MRPL13: variants seen among roughly 807,000 people sequenced by gnomAD.
The protein encoded by MRPL13 is large ribosomal subunit protein uL13m.
Under a neutral mutation model 29.0 loss-of-function variants are expected in MRPL13, and 33 were observed. The observed-to-expected ratio is 1.14, with a 90% CI of 0.86 to 1.52. The LOEUF is 1.52. Ranked by LOEUF, MRPL13 falls within the 40% of genes most tolerant of loss-of-function variation. MRPL13 has a pLI of 0.00. For missense variants in MRPL13, 227 were observed against 216.7 expected, an observed-to-expected ratio of 1.05 and a Z score of -0.30; for synonymous variants, 77 against 68.4, an observed-to-expected ratio of 1.13 and a Z score of -0.62.
chr8:120,434,837 T>G (rs1165365668), intron 2 of MRPL13, among the ~76,000 whole-genome samples: 3 of 152,280 alleles, frequency 2.0e-5, no homozygotes, highest in Admixed American at 6.5e-5. Flanking sequence ...GGTGCAAAAC[T>G]ATTTGCAGTT....
In MRPL13 at chr8:120,431,937, A is replaced by T. The variant is rs1361536065; in HGVS notation, c.245+93T>A. The T allele has an allele frequency of 5.4e-6, 5 of 931,710 alleles. No individual in the cohort carries two copies. In the East Asian group the frequency reaches 9.2e-5, roughly 17 times the overall value. 57.7% of individuals were successfully genotyped at this position (931,710 alleles called of 1,614,324 possible). ...AAATTAGTAATAAATGCTGATTTTT[A>T]AAAATATCTTTTTTCTTTTAAGTAA... On this transcript the variant is annotated intron_variant, in intron 3 of 6. Transcript: ENST00000306185.
At chr8:120,438,053 T>C (rs1813075288) in intron 2 of MRPL13, among the ~76,000 whole-genome samples, 1 of 152,186 alleles carries the variant, frequency 6.6e-6, no homozygotes, top group Non-Finnish European at 1.5e-5. Context: ...GTTTTGCTAA[T>C]ATGTTACATA....
intron 5 of MRPL13, among the ~76,000 whole-genome samples, chr8:120,418,439 T>C (rs946781992): frequency 1.3e-5 from 2 of 152,066 alleles, no homozygotes; most frequent in Non-Finnish European, 2.9e-5. Context: ...ACCTAATTAA[T>C]TCCCAGGATT....
chr8:120,432,016 C>T lies in MRPL13; in HGVS notation c.245+14G>A, dbSNP rs1463500259. On this transcript the variant is annotated intron_variant, in intron 3 of 6. Transcript: ENST00000306185. ...TTTAACTACCTAATTTCCCTGACAACAGCATTATCTTACCCAGTATGCGAA... is the reference window on the plus strand; with the variant it reads ...TTTAACTACCTAATTTCCCTGACAATAGCATTATCTTACCCAGTATGCGAA... 1 of 1,533,720 alleles carries T rather than the reference C, an allele frequency of 6.5e-7. No homozygotes were observed. The highest frequency in any genetic ancestry group is 8.8e-7 in the Non-Finnish European group (1 of 1,132,926).
rs575434321 is a variant in MRPL13 at position 120,400,159 on chromosome 8, C to T, written c.516-4034G>A. 3.9e-5 allele frequency among the ~76,000 whole-genome samples: 6 copies of T among 152,320 alleles called. No individual in the cohort carries two copies. In the East Asian group the frequency reaches 1.2e-3, roughly 29 times the overall value. On this transcript the variant is annotated intron_variant, in intron 6 of 6. Coordinates refer to ENST00000306185, the MANE Select transcript of MRPL13 (RefSeq NM_014078.6). The stretch of plus-strand genomic sequence containing the variant: ...ACTGATAGATATCTACAGAACTCTG[C>T]ACCCCAAAACAACAGAACATACATT...
intron 2 of MRPL13, among the ~76,000 whole-genome samples, chr8:120,437,038 A>G (rs1813062669): frequency 2.6e-5 from 4 of 152,180 alleles, no homozygotes; most frequent in Non-Finnish European, 4.4e-5. Flanking sequence ...GACAATATCA[A>G]TATAGTCACT....
chr8:120,407,254 A>T (rs1812680273), intron 6 of MRPL13, among the ~76,000 whole-genome samples: 1 of 152,196 alleles, frequency 6.6e-6, no homozygotes, highest in Non-Finnish European at 1.5e-5. Context: ...TTAGGAAAAA[A>T]CTTTTCGGAG....
chr8:120,398,333 C>CGTA (rs1812546783), intron 6 of MRPL13, among the ~76,000 whole-genome samples: 1 of 152,140 alleles, frequency 6.6e-6, no homozygotes, highest in Non-Finnish European at 1.5e-5. Context: ...CTGGTGATAC[C>CGTA]TCCAGGTAAG....
At chr8:120,422,897 T>C (rs933101510) in intron 4 of MRPL13, among the ~76,000 whole-genome samples, 5 of 151,764 alleles carry the variant, frequency 3.3e-5, no homozygotes, top group African/African-American at 9.7e-5. Context: ...AAAGAATTCC[T>C]GGAGATGAAG....
Position 120,407,811 on chromosome 8 carries a change from A to T in MRPL13, c.515+6180T>A, listed in dbSNP as rs537576807. Among the ~76,000 whole-genome samples the T allele has an allele frequency of 8.1e-4, 123 of 152,214 alleles. 1 individual carries two copies. Among genetic ancestry groups the T allele is most frequent in the African/African-American group, 2.8e-3 (115 of 41,538 alleles). On this transcript the variant is annotated intron_variant, in intron 6 of 6. Coordinates refer to ENST00000306185, the MANE Select transcript of MRPL13 (RefSeq NM_014078.6). Reference sequence around the variant, plus strand: ...CTTAAGTGTAATAAATCTCAAAAAAATTTTTTTCTTCAATAGGTTTTATGT... The same window carrying T: ...CTTAAGTGTAATAAATCTCAAAAAATTTTTTTTCTTCAATAGGTTTTATGT...
In MRPL13 at chr8:120,429,929, A is replaced by G. The variant is rs181291093; in HGVS notation, c.245+2101T>C. Among the ~76,000 whole-genome samples the G allele has an allele frequency of 4.1e-3, 624 of 152,350 alleles. 5 individuals carry two copies. Among genetic ancestry groups the G allele is most frequent in the African/African-American group, 0.014 (597 of 41,584 alleles). On this transcript the variant is annotated intron_variant, in intron 3 of 6. Coordinates refer to ENST00000306185, the MANE Select transcript of MRPL13 (RefSeq NM_014078.6). The stretch of plus-strand genomic sequence containing the variant: ...ATTGTTTAGGGAATAATGACAAGAA[A>G]AACGTCTGTACATGTTCAGTATTGA...
intron 5 of MRPL13, among the ~76,000 whole-genome samples, chr8:120,418,623 C>A (rs1268876680): frequency 6.6e-6 from 1 of 151,770 alleles, no homozygotes; most frequent in Non-Finnish European, 1.5e-5. Context: ...TTTAACGGAA[C>A]TATCGTGAAT....
intron 2 of MRPL13, among the ~76,000 whole-genome samples, chr8:120,435,563 T>C (rs942418286): frequency 4.4e-4 from 67 of 152,304 alleles, no homozygotes; most frequent in African/African-American, 1.5e-3. Context: ...CTCTACAGTA[T>C]TCTATGGTGT....
chr8:120,396,877 G>T (rs1812530254), intron 6 of MRPL13, among the ~76,000 whole-genome samples: 1 of 152,212 alleles, frequency 6.6e-6, no homozygotes, highest in African/African-American at 2.4e-5. Context: ...TGGCAAAGAT[G>T]ACTGATTAGA....
chr8:120,436,862 T>C (rs989720014), intron 2 of MRPL13, among the ~76,000 whole-genome samples: 1 of 152,210 alleles, frequency 6.6e-6, no homozygotes, highest in Non-Finnish European at 1.5e-5. Context: ...TTTATGTTTG[T>C]TTCTAAGTTT....
chr8:120,443,964 A>C (rs1464400717), intron 1 of MRPL13, among the ~76,000 whole-genome samples: 3 of 152,300 alleles, frequency 2.0e-5, no homozygotes, highest in African/African-American at 7.2e-5. Context: ...ATTCTAGGCC[A>C]GAAAGATCTC....
intron 3 of MRPL13, 86 bp from the exon 4 acceptor site, chr8:120,425,452 T>C (rs1812922133): frequency 1.1e-6 from 1 of 946,554 alleles, no homozygotes; most frequent in Non-Finnish European, 1.6e-6. Context: ...GAAAACTATT[T>C]TAATAAATTG....
At chr8:120,420,461 T>C (rs1812856168) in intron 4 of MRPL13, among the ~76,000 whole-genome samples, 1 of 147,726 alleles carries the variant, frequency 6.8e-6, no homozygotes, top group African/African-American at 2.5e-5. Flanking sequence ...TATAAACATA[T>C]ATATAAACAT....
intron 5 of MRPL13, among the ~76,000 whole-genome samples, chr8:120,417,801 GTT>G (rs1472163781): frequency 2.0e-5 from 3 of 151,972 alleles, no homozygotes; most frequent in Non-Finnish European, 4.4e-5. Flanking sequence ...TAATAATTTA[GTT>G]CTCTCTCTGC....
Sources: allele counts gnomAD v4.1 joint callset (sites outside exome capture counted in the v4.1 genomes callset), GRCh38; gene constraint gnomAD v4.1.1; transcripts MANE v1.5; gene names NCBI Gene and HGNC (gene_info 2026-07-23, HGNC 2026-07-21).